LUZP2: variants seen among roughly 807,000 people sequenced by gnomAD.
LUZP2 encodes leucine zipper protein 2.
In LUZP2, 52 loss-of-function variants were observed where a neutral mutation model predicts 51.6. That is an observed-to-expected ratio of 1.01 (90% CI 0.81 to 1.27). The LOEUF is 1.27. LUZP2 is among the 50% of genes most tolerant of loss of function. The probability of loss-of-function intolerance (pLI) is 0.00; values close to 1 mark genes in which losing one functional copy is unlikely to be tolerated. For synonymous variants in LUZP2, 154 were observed against 137.3 expected (o/e 1.12, Z -0.85); for missense variants, 436 against 395.4 (o/e 1.10, Z -0.87).
intron 1 of LUZP2, among the ~76,000 whole-genome samples, chr11:24,674,121 C>T (rs1009624165): frequency 2.0e-5 from 3 of 152,122 alleles, no homozygotes; most frequent in African/African-American, 7.2e-5. Context: ...CTGTCCTGGA[C>T]ATTGTTTTCT....
intron 9 of LUZP2, among the ~76,000 whole-genome samples, chr11:25,012,471 T>G (rs1857014281): frequency 6.6e-6 from 1 of 152,198 alleles, no homozygotes; most frequent in Non-Finnish European, 1.5e-5. Flanking sequence ...CCCTGATGCA[T>G]TTTTACTTCC....
intron 1 of LUZP2, among the ~76,000 whole-genome samples, chr11:24,725,286 GA>G (rs977963414): frequency 3.3e-5 from 5 of 151,174 alleles, no homozygotes; most frequent in Admixed American, 1.3e-4. Context: ...AAAACATTTA[GA>G]AAAAAAAATT....
chr11:24,591,413 A>G (rs998372262), intron 1 of LUZP2, among the ~76,000 whole-genome samples: 23 of 152,188 alleles, frequency 1.5e-4, no homozygotes, highest in African/African-American at 5.5e-4. Flanking sequence ...GTTTTAGATA[A>G]CAGTGGATTC....
chr11:24,796,663 C>A (rs74512237), intron 5 of LUZP2, among the ~76,000 whole-genome samples: 468 of 151,688 alleles, frequency 3.1e-3, no homozygotes, highest in Non-Finnish European at 5.3e-3. Flanking sequence ...TGGTCAGATT[C>A]AATATTCTTG....
chr11:24,644,706 CA>C (rs1038452032), intron 1 of LUZP2, among the ~76,000 whole-genome samples: 3 of 152,126 alleles, frequency 2.0e-5, no homozygotes, highest in Non-Finnish European at 4.4e-5. Flanking sequence ...CAACAAGTTG[CA>C]GATCACAGGA....
chr11:24,807,370 G>A (rs1431228073), intron 5 of LUZP2, among the ~76,000 whole-genome samples: 1 of 151,446 alleles, frequency 6.6e-6, no homozygotes, highest in African/African-American at 2.4e-5. Flanking sequence ...GCTGAGGCAG[G>A]AGAATCACTT....
chr11:24,989,768 A>G (rs1353118122), intron 9 of LUZP2, among the ~76,000 whole-genome samples: 1 of 152,170 alleles, frequency 6.6e-6, no homozygotes, highest in Non-Finnish European at 1.5e-5. Flanking sequence ...CCATTTGTTC[A>G]AGTCACTAAG....
At chr11:24,838,281 G>C (rs995402720) in intron 5 of LUZP2, among the ~76,000 whole-genome samples, 11 of 151,576 alleles carry the variant, frequency 7.3e-5, no homozygotes, top group Non-Finnish European at 1.6e-4. Flanking sequence ...ATGGCATCTA[G>C]TCTTTTAATA....
intron 1 of LUZP2, among the ~76,000 whole-genome samples, chr11:24,531,582 C>CT (rs769496011): frequency 6.6e-6 from 1 of 150,836 alleles, no homozygotes; most frequent in Non-Finnish European, 1.5e-5. Flanking sequence ...GCTAACCTCC[C>CT]TTTCCCCTAC....
At chr11:25,023,072 T>G (rs1857385744) in intron 9 of LUZP2, among the ~76,000 whole-genome samples, 1 of 152,142 alleles carries the variant, frequency 6.6e-6, no homozygotes, top group African/African-American at 2.4e-5. Flanking sequence ...TGAGGGTTTT[T>G]GCTTGATGTT....
At chr11:24,695,172 A>G (rs972120000) in intron 1 of LUZP2, among the ~76,000 whole-genome samples, 2 of 152,144 alleles carry the variant, frequency 1.3e-5, no homozygotes, top group African/African-American at 2.4e-5. Flanking sequence ...AATGTCTATC[A>G]GTACAAGCCA....
chr11:24,710,705 A>G (rs939549495), intron 1 of LUZP2, among the ~76,000 whole-genome samples: 1 of 151,920 alleles, frequency 6.6e-6, no homozygotes, highest in Non-Finnish European at 1.5e-5. Context: ...ATATATCACA[A>G]CCCCCATCTT....
intron 9 of LUZP2, among the ~76,000 whole-genome samples, chr11:24,984,059 G>A (rs1400500229): frequency 2.0e-5 from 3 of 151,602 alleles, no homozygotes; most frequent in East Asian, 3.9e-4. Context: ...TAATCTTTGG[G>A]GGAGGGAGTT....
chr11:25,018,328 C>T, intron 9 of LUZP2, among the ~76,000 whole-genome samples: 1 of 152,048 alleles, frequency 6.6e-6, no homozygotes, highest in East Asian at 1.9e-4. Flanking sequence ...CTGGCTGGGA[C>T]TTCCTCCTTT....
intron 1 of LUZP2, among the ~76,000 whole-genome samples, chr11:24,536,794 C>A (rs1718678091): frequency 6.6e-6 from 1 of 151,892 alleles, no homozygotes; most frequent in African/African-American, 2.4e-5. Flanking sequence ...CTCTTTGACA[C>A]AAGAAGCCTT....
chr11:24,898,804 T>C (rs1222316358), intron 5 of LUZP2, among the ~76,000 whole-genome samples: 1 of 152,172 alleles, frequency 6.6e-6, no homozygotes, highest in Non-Finnish European at 1.5e-5. Context: ...CAAAAACCCT[T>C]GTGAGGTACC....
rs1446043312 is a variant in LUZP2 at position 24,882,903 on chromosome 11, GAGAAAGAAAGA to G, written c.397-23075_397-23065del. ...AGAAAAAGAAGGAAAGAAAAAGAAA[GAGAAAGAAAGA>G]AGAAAGAAAGAACGAAAGAAAGAAA... is the stretch of plus-strand genomic sequence containing the variant. On this transcript the variant is annotated intron_variant, in intron 5 of 11. Coordinates refer to ENST00000336930, the MANE Select transcript of LUZP2 (RefSeq NM_001009909.4). Among the ~76,000 whole-genome samples, 13 of 128,960 alleles carry G rather than the reference GAGAAAGAAAGA, an allele frequency of 1.0e-4. No homozygotes were observed. The South Asian group carries it at 1.4e-3, about 14-fold the overall frequency. 84.6% of individuals were successfully genotyped at this position (128,960 alleles called of 152,430 possible).
chr11:24,904,443 C>T (rs914246210), intron 5 of LUZP2, among the ~76,000 whole-genome samples: 8 of 151,942 alleles, frequency 5.3e-5, no homozygotes, highest in South Asian at 2.1e-4. Context: ...CCACCACGCC[C>T]GGCTAATTTT....
intron 5 of LUZP2, among the ~76,000 whole-genome samples, chr11:24,874,311 T>C (rs1339518044): frequency 6.6e-6 from 1 of 152,076 alleles, no homozygotes; most frequent in East Asian, 1.9e-4. Context: ...AGTTGGTAGA[T>C]GGGTGGCGGG....
Sources: gnomAD v4.1 joint callset for allele counts (sites outside exome capture counted in the v4.1 genomes callset) on GRCh38, gnomAD v4.1.1 for gene constraint, MANE v1.5 for transcripts, NCBI Gene and HGNC (gene_info 2026-07-23, HGNC 2026-07-21) for gene names.